Variants in MBP observed in about 807,000 individuals in gnomAD.
MBP encodes Golli-MBP.
A neutral mutation model predicts 35.8 loss-of-function variants in MBP; 16 were observed. The ratio of observed to expected loss-of-function variants is 0.45; its 90% CI spans 0.30 to 0.68. The LOEUF (loss-of-function observed/expected upper bound fraction) is 0.68. Ranked by LOEUF, MBP falls within the 30% of genes least tolerant of loss-of-function variation. MBP has a pLI of 0.08. For synonymous variants in MBP, 143 were observed against 159.6 expected (o/e 0.90, Z 0.78); for missense variants, 380 against 404.7 (o/e 0.94, Z 0.52).
At chr18:77,097,320 C>A (rs1265336619) in intron 2 of MBP, 1 of 152,326 alleles carries the variant, frequency 6.6e-6, no homozygotes, top group Non-Finnish European at 1.5e-5. Context: ...TTGTGGACAA[C>A]TTTCTCCTCC....
chr18:77,066,088 C>A, intron 3 of MBP: 1 of 509,838 alleles, frequency 2.0e-6, no homozygotes, highest in South Asian at 3.4e-5. Context: ...GTCTTGAGCT[C>A]CTGGGCTCAA....
intron 2 of MBP, chr18:77,069,029 C>G (rs1476537083): frequency 6.2e-6 from 3 of 482,052 alleles, no homozygotes; most frequent in Non-Finnish European, 1.2e-5. Context: ...CAGCCTGTGA[C>G]TTCTGCGGAT....
intron 1 of MBP, among the ~76,000 whole-genome samples, chr18:77,122,883 G>T (rs557072727): frequency 6.6e-6 from 1 of 152,110 alleles, no homozygotes; most frequent in African/African-American, 2.4e-5. Flanking sequence ...AGTTCTAGTC[G>T]TCATCATCCA....
At chr18:77,021,017 A>T (rs8096433) in intron 3 of MBP, among the ~76,000 whole-genome samples, 89,299 of 152,174 alleles carry the variant, frequency 0.59, 26,541 homozygotes, top group East Asian at 0.68. Context: ...GAGAAGACAC[A>T]TAACTTGGGG....
chr18:77,075,084 C>G (rs1490125904), intron 2 of MBP, among the ~76,000 whole-genome samples: 1 of 152,212 alleles, frequency 6.6e-6, no homozygotes, highest in African/African-American at 2.4e-5. Context: ...AGATCTCAAT[C>G]CCTCCTCTCC....
At chr18:76,997,055 C>G (rs1314331341) in intron 4 of MBP, among the ~76,000 whole-genome samples, 1 of 152,178 alleles carries the variant, frequency 6.6e-6, no homozygotes, top group Non-Finnish European at 1.5e-5. Context: ...GCGTCCTCCC[C>G]CTCCAAATGT....
At chr18:77,109,901 T>C (rs531952063) in intron 1 of MBP, 1 of 152,402 alleles carries the variant, frequency 6.6e-6, no homozygotes, top group South Asian at 2.1e-4. Flanking sequence ...TAGGATTCTT[T>C]GGACGTTGTT....
Position 77,052,329 on chromosome 18 carries a change from G to C in MBP, c.139+13969C>G, listed in dbSNP as rs188509585. Among the ~76,000 whole-genome samples, 187 of 152,184 alleles carry C rather than the reference G, an allele frequency of 1.2e-3. 3 individuals carry two copies. Among genetic ancestry groups the C allele is most frequent in the Admixed American group, 9.0e-3 (138 of 15,292 alleles). ...ATAAGTGATCAGCAGCATCCCGATCGGGGGGGTAAGACAAAGGGGTCCTTG... is the reference window on the plus strand; with the variant it reads ...ATAAGTGATCAGCAGCATCCCGATCCGGGGGGTAAGACAAAGGGGTCCTTG... On this transcript the variant is annotated intron_variant, in intron 3 of 8. Transcript: ENST00000355994.
chr18:77,095,810 C>T (rs373049617), intron 2 of MBP, among the ~76,000 whole-genome samples: 1 of 152,236 alleles, frequency 6.6e-6, no homozygotes, highest in Non-Finnish European at 1.5e-5. Context: ...ACACCCCAGG[C>T]AGTTAGGATT....
intron 4 of MBP, among the ~76,000 whole-genome samples, chr18:76,996,165 A>T (rs1247704674): frequency 6.6e-6 from 1 of 152,234 alleles, no homozygotes; most frequent in Non-Finnish European, 1.5e-5. Context: ...AATGGCTGAA[A>T]TAAAAAATGC....
rs1362379708 is a variant in MBP at position 77,028,670 on chromosome 18, G to C, written c.140-11402C>G. 1.7e-4 allele frequency among the ~76,000 whole-genome samples: 14 copies of C among 83,590 alleles called. 1 individual carries two copies. The highest frequency in any genetic ancestry group is 4.5e-4 in the South Asian group (1 of 2,230). The allele number at this position is 83,590 out of a possible 152,430, so 54.8% of individuals were successfully genotyped here. A position where few individuals can be genotyped will look rare whatever the true frequency, so the allele number is the denominator to read the frequency against. On this transcript the variant is annotated intron_variant, in intron 3 of 8. Coordinates refer to ENST00000355994, the MANE Select transcript of MBP (RefSeq NM_001025101.2). ...GACGGGGCAGCTGGCTGGGCAGAGGGGCTCCTCACTTCCCAGTAGGGGCGG... is the reference window on the plus strand; with the variant it reads ...GACGGGGCAGCTGGCTGGGCAGAGGCGCTCCTCACTTCCCAGTAGGGGCGG...
In MBP at chr18:76,985,772, G is replaced by A. The variant is rs147347842; in HGVS notation, c.751-878C>T. ...GCTTCAGTTTCCTCATCTACGCAAT[G>A]GGGCTGTGCGAGAACACAAGCCGTT... On this transcript the variant is annotated intron_variant, in intron 7 of 8. Coordinates refer to ENST00000355994, the MANE Select transcript of MBP (RefSeq NM_001025101.2). The A allele has an allele frequency of 2.8e-4, 280 of 995,976 alleles. 1 individual carries two copies. The African/African-American group carries it at 4.4e-3, about 16-fold the overall frequency. The allele number at this position is 995,976 out of a possible 1,614,324, so 61.7% of individuals were successfully genotyped here. A position where few individuals can be genotyped will look rare whatever the true frequency, so the allele number is the denominator to read the frequency against.
At chr18:76,995,553 T>C (rs1479019361) in intron 4 of MBP, among the ~76,000 whole-genome samples, 17 of 152,088 alleles carry the variant, frequency 1.1e-4, no homozygotes, top group Admixed American at 1.1e-3. Flanking sequence ...AGCCGATTCC[T>C]GGCAAAGATC....
intron 1 of MBP, among the ~76,000 whole-genome samples, chr18:77,106,017 G>T (rs1313392129): frequency 3.3e-5 from 5 of 152,156 alleles, no homozygotes. Flanking sequence ...CCTGGCCTTG[G>T]GGCTCTTCAG....
chr18:77,085,822 T>C (rs1390727523), intron 2 of MBP, among the ~76,000 whole-genome samples: 1 of 151,914 alleles, frequency 6.6e-6, no homozygotes, highest in Non-Finnish European at 1.5e-5. Flanking sequence ...GTAGCTGGGA[T>C]TACAGGCGTC....
At chr18:77,024,862 T>C (rs1307728712) in intron 3 of MBP, among the ~76,000 whole-genome samples, 1 of 152,220 alleles carries the variant, frequency 6.6e-6, no homozygotes, top group Non-Finnish European at 1.5e-5. Context: ...TATTCTTACC[T>C]GAAATAACCC....
intron 2 of MBP, among the ~76,000 whole-genome samples, chr18:77,087,901 CGGGGCAGGGGAT>C (rs919264086): frequency 2.0e-5 from 3 of 152,044 alleles, no homozygotes; most frequent in Non-Finnish European, 2.9e-5. Flanking sequence ...TGACACCCCG[CGGGGCAGGGGAT>C]GGGGCAGGGG....
At chr18:77,049,386 T>C (rs1441725919) in intron 3 of MBP, among the ~76,000 whole-genome samples, 1 of 152,254 alleles carries the variant, frequency 6.6e-6, no homozygotes, top group African/African-American at 2.4e-5. Context: ...AACATGCTTA[T>C]AGCTGGGTCT....
At chr18:76,996,260 A>T (rs924865760) in intron 4 of MBP, among the ~76,000 whole-genome samples, 3 of 152,248 alleles carry the variant, frequency 2.0e-5, no homozygotes, top group African/African-American at 7.2e-5. Flanking sequence ...TATACTTACC[A>T]TATGACCCTG....
Sources: gnomAD v4.1 joint callset for allele counts (sites outside exome capture counted in the v4.1 genomes callset) on GRCh38, gnomAD v4.1.1 for gene constraint, MANE v1.5 for transcripts, NCBI Gene and HGNC (gene_info 2026-07-23, HGNC 2026-07-21) for gene names.